Variants in LMTK2 observed in about 807,000 individuals in gnomAD.
LMTK2 encodes lemur tail kinase 2, also known as serine/threonine-protein kinase LMTK2.
Under a neutral mutation model 127.5 loss-of-function variants are expected in LMTK2, and 37 were observed. The observed-to-expected ratio is 0.29, with a 90% CI of 0.22 to 0.38. LMTK2 has a LOEUF of 0.38. Among genes scored for constraint, LMTK2 ranks in the 10% least tolerant of loss-of-function variants. The pLI, the probability that LMTK2 is intolerant of heterozygous loss-of-function variation, is 1.00. For synonymous variants in LMTK2, 819 were observed against 810.1 expected, an observed-to-expected ratio of 1.01 and a Z score of -0.19; for missense variants, 1,694 against 1,920.3, an observed-to-expected ratio of 0.88 and a Z score of 2.20.
At chr7:98,178,443 A>C (rs948791832) in intron 7 of LMTK2, among the ~76,000 whole-genome samples, 2 of 152,140 alleles carry the variant, frequency 1.3e-5, no homozygotes. Context: ...CGCTCTGCTC[A>C]TGCGGCCCTG....
At chr7:98,134,770 A>G (rs956785537) in intron 1 of LMTK2, among the ~76,000 whole-genome samples, 1 of 152,210 alleles carries the variant, frequency 6.6e-6, no homozygotes, top group Admixed American at 6.5e-5. Context: ...CTTGGTCTTC[A>G]TAAGAATTGG....
chr7:98,161,503 T>C (rs1299592202), intron 6 of LMTK2, among the ~76,000 whole-genome samples: 1 of 152,120 alleles, frequency 6.6e-6, no homozygotes, highest in Non-Finnish European at 1.5e-5. Flanking sequence ...GTGCTCGTTG[T>C]CCTCCAGGTC....
At chr7:98,120,120 A>G (rs990299753) in intron 1 of LMTK2, among the ~76,000 whole-genome samples, 16 of 152,250 alleles carry the variant, frequency 1.1e-4, no homozygotes, top group Non-Finnish European at 1.8e-4. Context: ...GAAGAACACC[A>G]TAGGCTCTTG....
intron 6 of LMTK2, among the ~76,000 whole-genome samples, chr7:98,163,485 A>G (rs940100701): frequency 1.3e-5 from 2 of 152,186 alleles, no homozygotes; most frequent in African/African-American, 4.8e-5. Context: ...GTGGGAGGTC[A>G]CATTGTTTCC....
chr7:98,141,234 G>A (rs1796693983), intron 2 of LMTK2, among the ~76,000 whole-genome samples, 163 bp from the exon 3 acceptor site: 1 of 149,828 alleles, frequency 6.7e-6, no homozygotes, highest in Admixed American at 6.6e-5. Flanking sequence ...TATGTATTCT[G>A]CTGTTTGGAG....
rs116341992 is a variant in LMTK2 at position 98,156,726 on chromosome 7, G to A, written c.569+1850G>A. Among the ~76,000 whole-genome samples, 1,012 of 152,304 alleles carry A rather than the reference G, an allele frequency of 6.6e-3. 13 individuals carry two copies. The highest frequency in any genetic ancestry group is 0.023 in the African/African-American group (960 of 41,568). ...TATCTAAAGAGAGATGTTTTTAAAG[G>A]AATTGGCTCATGAAGTTACGGAGGC... On this transcript the variant is annotated intron_variant, in intron 5 of 13. Transcript: ENST00000297293.
chr7:98,117,201 T>C (rs1796300002), intron 1 of LMTK2, among the ~76,000 whole-genome samples: 1 of 152,210 alleles, frequency 6.6e-6, no homozygotes, highest in Non-Finnish European at 1.5e-5. Context: ...CTGTAGACAT[T>C]CTTTGGAGTT....
At chr7:98,188,833 C>A (rs963755499) in intron 9 of LMTK2, among the ~76,000 whole-genome samples, 1 of 152,154 alleles carries the variant, frequency 6.6e-6, no homozygotes, top group Non-Finnish European at 1.5e-5. Flanking sequence ...CTTCCTGGAT[C>A]TGGATGTCTG....
At chr7:98,200,470 A>C (rs1169771195) in intron 11 of LMTK2, among the ~76,000 whole-genome samples, 1 of 152,216 alleles carries the variant, frequency 6.6e-6, no homozygotes, top group Admixed American at 6.5e-5. Context: ...TATTCTCGGG[A>C]TGTAGAACCT....
intron 2 of LMTK2, among the ~76,000 whole-genome samples, chr7:98,137,993 G>GGGA (rs1362429558): frequency 1.3e-5 from 2 of 152,194 alleles, no homozygotes; most frequent in African/African-American, 4.8e-5. Context: ...TTCCCTAACA[G>GGGA]GGAGGAGGAG....
intron 4 of LMTK2, among the ~76,000 whole-genome samples, chr7:98,153,722 T>C (rs1319076933): frequency 6.6e-6 from 1 of 151,964 alleles, no homozygotes; most frequent in African/African-American, 2.4e-5. Context: ...AAAAATTCGC[T>C]GAGTGGGATG....
At chr7:98,150,809 A>G (rs1415010802) in intron 3 of LMTK2, among the ~76,000 whole-genome samples, 1 of 152,240 alleles carries the variant, frequency 6.6e-6, no homozygotes, top group Non-Finnish European at 1.5e-5. Flanking sequence ...AATGCAAATT[A>G]TAGTGCAGAC....
rs145143679 is a variant in LMTK2 at position 98,178,430 on chromosome 7, G to A, written c.792-6621G>A. ...GAACCGCGAGCTCCCACTTTCTGTC[G>A]ATCGCTCTGCTCATGCGGCCCTGAG... On this transcript the variant is annotated intron_variant, in intron 7 of 13. Transcript: ENST00000297293. Among the ~76,000 whole-genome samples, 693 of 152,256 alleles carry A rather than the reference G, an allele frequency of 4.6e-3. 1 individual carries two copies. The highest frequency in any genetic ancestry group is 0.016 in the African/African-American group (652 of 41,550).
intron 3 of LMTK2, among the ~76,000 whole-genome samples, chr7:98,149,468 A>G (rs6970140): frequency 1 from 152,328 of 152,344 alleles, 76,156 homozygotes; most frequent in Non-Finnish European, 1. Context: ...CAGAGGAGAC[A>G]TCTCTGCTCC....
chr7:98,138,261 G>C (rs1584256525), intron 2 of LMTK2, among the ~76,000 whole-genome samples: 1 of 152,296 alleles, frequency 6.6e-6, no homozygotes, highest in South Asian at 2.1e-4. Context: ...GGAGCCTGGA[G>C]GTCCAGTGGT....
At position 98,107,228 on chromosome 7, in the gene LMTK2, C is replaced by A. The variant is rs1796121861; in HGVS notation, c.51C>A (p.Val17=). 3.4e-6 allele frequency: 5 copies of A among 1,462,678 alleles called. No individual in the cohort carries two copies. In the African/African-American group the frequency reaches 5.9e-5, roughly 17 times the overall value. 90.6% of individuals were successfully genotyped at this position (1,462,678 alleles called of 1,614,324 possible). ...GGAGGCTGCTGCTGCTGCTGCTGGT[C>A]CTCCTGATCGCCGGCAGTGCTGGGG... ...LRRRLLLLLL[V]LLIAGSAGAA... The change falls in exon 1 of 14, where the codon GTC becomes GTA. Residue 17 remains valine (V), a synonymous_variant. Coordinates refer to ENST00000297293, the MANE Select transcript of LMTK2 (RefSeq NM_014916.4).
intron 1 of LMTK2, among the ~76,000 whole-genome samples, chr7:98,132,367 C>CA (rs1385652765): frequency 7.9e-5 from 12 of 152,162 alleles, no homozygotes; most frequent in African/African-American, 2.9e-4. Context: ...TCCCCTGCCT[C>CA]AGCCTCCCGA....
chr7:98,141,293 T>C (rs1001806277), intron 2 of LMTK2, 104 bp from the exon 3 acceptor site: 144 of 1,124,514 alleles, frequency 1.3e-4, no homozygotes, highest in Non-Finnish European at 1.8e-4. Context: ...AAGTACAAAC[T>C]GGAAAAAAAT....
chr7:98,113,664 G>C (rs1796236502), intron 1 of LMTK2, among the ~76,000 whole-genome samples: 1 of 152,154 alleles, frequency 6.6e-6, no homozygotes, highest in South Asian at 2.1e-4. Flanking sequence ...ATTCTCGGAG[G>C]AGATGCTGGA....
Sources: gnomAD v4.1 joint callset for allele counts (sites outside exome capture counted in the v4.1 genomes callset) on GRCh38, gnomAD v4.1.1 for gene constraint, MANE v1.5 for transcripts, NCBI Gene and HGNC (gene_info 2026-07-23, HGNC 2026-07-21) for gene names.